The following PDE8A variants were observed in gnomAD, a reference collection of about 807,000 sequenced individuals.
The protein encoded by PDE8A is phosphodiesterase 8A, also known as high affinity cAMP-specific and IBMX-insensitive 3',5'-cyclic phosphodiesterase 8A.
A neutral mutation model predicts 105.0 loss-of-function variants in PDE8A; 59 were observed. The ratio of observed to expected loss-of-function variants is 0.56; its 90% CI spans 0.46 to 0.70. The LOEUF (loss-of-function observed/expected upper bound fraction) is 0.70, where lower values mean the gene tolerates loss of function less well. Among genes scored for constraint, PDE8A ranks in the 30% least tolerant of loss-of-function variants. The probability of loss-of-function intolerance (pLI) is 0.00; values close to 1 mark genes in which losing one functional copy is unlikely to be tolerated. For synonymous variants in PDE8A, 355 were observed against 371.9 expected (o/e 0.95, Z 0.52); for missense variants, 1,014 against 1,045.9 (o/e 0.97, Z 0.42).
intron 11 of PDE8A, among the ~76,000 whole-genome samples, chr15:85,105,295 G>A (rs955056772): frequency 7.9e-5 from 12 of 152,156 alleles, no homozygotes; most frequent in African/African-American, 2.4e-4. Flanking sequence ...AGGCCCATGT[G>A]CAGAGAGTCC....
chr15:85,133,603 G>A (rs1326065099), intron 20 of PDE8A, among the ~76,000 whole-genome samples: 1 of 152,164 alleles, frequency 6.6e-6, no homozygotes, highest in Non-Finnish European at 1.5e-5. Context: ...CAGAGTTCCT[G>A]TAAGGTTATT....
At position 84,987,395 on chromosome 15, in the gene PDE8A, C is replaced by T. The variant is rs558878292; in HGVS notation, c.186+5047C>T. On this transcript the variant is annotated intron_variant, in intron 1 of 21. Transcript: ENST00000394553. Reference sequence around the variant, plus strand: ...TGATAGGGCCTGTGGTCCCTTCTGGCGCAAATGTTTCCTGTGAAGTGGCTT... The same window carrying T: ...TGATAGGGCCTGTGGTCCCTTCTGGTGCAAATGTTTCCTGTGAAGTGGCTT... Among the ~76,000 whole-genome samples the T allele has an allele frequency of 5.3e-5, 8 of 149,616 alleles. No homozygotes were observed. In the East Asian group the frequency reaches 7.9e-4, roughly 15 times the overall value.
At chr15:85,130,842 C>T (rs758866845) in intron 20 of PDE8A, among the ~76,000 whole-genome samples, 2 of 152,168 alleles carry the variant, frequency 1.3e-5, no homozygotes, top group Non-Finnish European at 2.9e-5. Context: ...TCACTGCAAC[C>T]TCTGCCTCCC....
chr15:85,071,594 TGCA>T (rs1390719635), intron 3 of PDE8A, among the ~76,000 whole-genome samples: 1 of 152,246 alleles, frequency 6.6e-6, no homozygotes, highest in East Asian at 1.9e-4. Context: ...AGCCCCGCTC[TGCA>T]GCAGACCTGT....
intron 1 of PDE8A, among the ~76,000 whole-genome samples, chr15:85,007,770 G>A (rs3862411): frequency 4.0e-5 from 6 of 151,752 alleles, no homozygotes; most frequent in Non-Finnish European, 7.4e-5. Flanking sequence ...AGAGTGTTGC[G>A]TATTATTATT....
intron 1 of PDE8A, among the ~76,000 whole-genome samples, chr15:85,045,065 G>A (rs1030012864): frequency 6.6e-6 from 1 of 152,066 alleles, no homozygotes; most frequent in African/African-American, 2.4e-5. Flanking sequence ...CTGTGCACTA[G>A]CTGTTCCTCT....
chr15:84,992,398 T>G (rs900352420), intron 1 of PDE8A, among the ~76,000 whole-genome samples: 4 of 152,178 alleles, frequency 2.6e-5, no homozygotes, highest in Non-Finnish European at 4.4e-5. Context: ...CATGTTCCAA[T>G]TATGAGGAGG....
chr15:85,095,872 A>ATT (rs1320006379), intron 8 of PDE8A, among the ~76,000 whole-genome samples: 73 of 121,178 alleles, frequency 6.0e-4, no homozygotes, highest in African/African-American at 3.4e-3. Flanking sequence ...ATATATATAT[A>ATT]TATTTTTTTT....
At chr15:85,059,096 CTCCAAGTATTT>C (rs2081106127) in intron 1 of PDE8A, among the ~76,000 whole-genome samples, 1 of 152,128 alleles carries the variant, frequency 6.6e-6, no homozygotes, top group African/African-American at 2.4e-5. Flanking sequence ...TTTCATTCAT[CTCCAAGTATTT>C]TCTAATTTAT....
intron 2 of PDE8A, among the ~76,000 whole-genome samples, chr15:85,064,691 T>G (rs967966565): frequency 6.6e-6 from 1 of 152,180 alleles, no homozygotes; most frequent in Non-Finnish European, 1.5e-5. Flanking sequence ...CGGTGGCTCA[T>G]GCCTATAATC....
intron 1 of PDE8A, among the ~76,000 whole-genome samples, chr15:84,991,560 T>C (rs536068482): frequency 6.6e-6 from 1 of 152,136 alleles, no homozygotes; most frequent in Admixed American, 6.5e-5. Context: ...CCAGGTAGAG[T>C]TGAATATGTG....
intron 6 of PDE8A, among the ~76,000 whole-genome samples, chr15:85,083,957 C>T (rs1172263943): frequency 6.6e-6 from 1 of 152,100 alleles, no homozygotes; most frequent in Non-Finnish European, 1.5e-5. Context: ...TTTTAATATA[C>T]ACCCCCCCAA....
At position 85,138,702 on chromosome 15, in the gene PDE8A, A is replaced by G. The variant is rs2082453478; in HGVS notation, c.*799A>G. On this transcript the variant is annotated 3_prime_UTR_variant, in exon 22 of 22. Coordinates refer to ENST00000394553, the MANE Select transcript of PDE8A (RefSeq NM_002605.3). The stretch of plus-strand genomic sequence containing the variant: ...CTAAGTGCTAAAGAAGGCTGCTTCT[A>G]CTGTATAGAACCCAGGGCTCTGAAA... 6.6e-6 allele frequency: 1 copy of G among 152,248 alleles called. No individual in the cohort carries two copies. Among genetic ancestry groups the G allele is most frequent in the Admixed American group, 6.5e-5 (1 of 15,286 alleles). The allele number at this position is 152,248 out of a possible 1,614,324, so 9.4% of individuals were successfully genotyped here.
chr15:84,982,284 C>T lies in PDE8A; in HGVS notation c.122C>T (p.Ala41Val), dbSNP rs750119375. 2.1e-6 allele frequency: 3 copies of T among 1,407,920 alleles called. No homozygotes were observed. The highest frequency in any genetic ancestry group is 3.1e-5 in the South Asian group (2 of 65,432). The allele number at this position is 1,407,920 out of a possible 1,614,324, so 87.2% of individuals were successfully genotyped here. ...CTCCCGCAGGGCCAGAAGACGGCCGCCTTGCCCCGGACCCGCGGCGCCGGC... is the reference window on the plus strand; with the variant it reads ...CTCCCGCAGGGCCAGAAGACGGCCGTCTTGCCCCGGACCCGCGGCGCCGGC... ...PRLPQGQKTA[A>V]LPRTRGAGLL... The change falls in exon 1 of 22, where the codon GCC (alanine) becomes GTC (valine). Residue 41 changes from alanine (A) to valine (V), a missense_variant. Ala to Val is a moderately conservative substitution (Grantham distance 64, BLOSUM62 0). Coordinates refer to ENST00000394553, the MANE Select transcript of PDE8A (RefSeq NM_002605.3).
At chr15:85,040,931 G>T (rs978829206) in intron 1 of PDE8A, among the ~76,000 whole-genome samples, 1 of 149,004 alleles carries the variant, frequency 6.7e-6, no homozygotes, top group African/African-American at 2.5e-5. Context: ...TTTTAATTTG[G>T]CATGTTTTTA....
At chr15:85,016,177 T>C (rs2080322132) in intron 1 of PDE8A, among the ~76,000 whole-genome samples, 1 of 152,216 alleles carries the variant, frequency 6.6e-6, no homozygotes, top group Non-Finnish European at 1.5e-5. Flanking sequence ...AAATGACTTG[T>C]CATTGCAAAT....
At chr15:85,016,800 T>C (rs1263570481) in intron 1 of PDE8A, among the ~76,000 whole-genome samples, 1 of 152,200 alleles carries the variant, frequency 6.6e-6, no homozygotes, top group African/African-American at 2.4e-5. Flanking sequence ...TGGTATGTCT[T>C]TTTACTTGTT....
chr15:85,113,467 G>T lies in PDE8A; in HGVS notation c.1185+20G>T. ...ACCAAGGTGAAGCAGTTTGTGGTCT[G>T]TCTCCATTGAGCACACATACTCCTT... is the stretch of plus-strand genomic sequence containing the variant. On this transcript the variant is annotated intron_variant, in intron 13 of 21. Coordinates refer to ENST00000394553, the MANE Select transcript of PDE8A (RefSeq NM_002605.3). 1 of 1,596,226 alleles carries T rather than the reference G, an allele frequency of 6.3e-7. No homozygotes were observed. Among genetic ancestry groups the T allele is most frequent in the Non-Finnish European group, 8.6e-7 (1 of 1,163,666 alleles).
intron 1 of PDE8A, among the ~76,000 whole-genome samples, chr15:85,030,831 A>AT (rs2080603260): frequency 6.6e-6 from 1 of 152,098 alleles, no homozygotes; most frequent in Non-Finnish European, 1.5e-5. Flanking sequence ...AACTTTTGTG[A>AT]TTTTTCCCTT....
Sources: allele counts gnomAD v4.1 joint callset (sites outside exome capture counted in the v4.1 genomes callset), GRCh38; gene constraint gnomAD v4.1.1; transcripts MANE v1.5; gene names NCBI Gene and HGNC (gene_info 2026-07-23, HGNC 2026-07-21).